KCNJ6: variants seen among roughly 807,000 people sequenced by gnomAD.
KCNJ6 encodes the protein potassium inwardly rectifying channel subfamily J member 6, also known as G protein-activated inward rectifier potassium channel 2.
A neutral mutation model predicts 34.2 loss-of-function variants in KCNJ6; 9 were observed. The ratio of observed to expected loss-of-function variants is 0.26; its 90% CI spans 0.16 to 0.46. The LOEUF (loss-of-function observed/expected upper bound fraction) is 0.46. Among genes scored for constraint, KCNJ6 ranks in the 20% least tolerant of loss-of-function variants. The pLI is 1.00. For missense variants in KCNJ6, 236 were observed against 531.3 expected, an observed-to-expected ratio of 0.44 and a Z score of 5.46; for synonymous variants, 196 against 207.1, an observed-to-expected ratio of 0.95 and a Z score of 0.46.
chr21:37,741,802 T>C (rs2054942581), intron 2 of KCNJ6, among the ~76,000 whole-genome samples: 1 of 152,242 alleles, frequency 6.6e-6, no homozygotes, highest in African/African-American at 2.4e-5. Flanking sequence ...TGCCAACAGA[T>C]GCCAAGTCCT....
rs1281124888 is a variant in KCNJ6 at position 37,625,087 on chromosome 21, AAAAG to A, written c.*68_*71del. On this transcript the variant is annotated 3_prime_UTR_variant, in exon 4 of 4. Transcript: ENST00000609713. The stretch of plus-strand genomic sequence containing the variant: ...TAAAGAACAAAGCAAGAGAGACAGA[AAAAG>A]AAAGAGAATGAGAGACAAGGAAAGA... 1.2e-5 allele frequency: 13 copies of A among 1,118,504 alleles called. No homozygotes were observed. In the Admixed American group the frequency reaches 1.3e-4, roughly 11 times the overall value. The allele number at this position is 1,118,504 out of a possible 1,614,324, so 69.3% of individuals were successfully genotyped here.
chr21:37,772,186 C>T (rs1421472570), intron 2 of KCNJ6, among the ~76,000 whole-genome samples: 1 of 151,892 alleles, frequency 6.6e-6, no homozygotes, highest in Non-Finnish European at 1.5e-5. Flanking sequence ...TAAAGAGTGC[C>T]CCAAAATTAT....
chr21:37,668,719 C>G (rs1001980757), intron 3 of KCNJ6, among the ~76,000 whole-genome samples: 2 of 152,168 alleles, frequency 1.3e-5, no homozygotes, highest in African/African-American at 4.8e-5. Flanking sequence ...CTGAGCTTCT[C>G]CACTTTCTTA....
At chr21:37,703,012 C>T (rs749967567) in intron 3 of KCNJ6, among the ~76,000 whole-genome samples, 56 of 151,898 alleles carry the variant, frequency 3.7e-4, no homozygotes, top group Non-Finnish European at 6.2e-4. Context: ...AAGAAAGTGG[C>T]GAAGGAGAGG....
intron 2 of KCNJ6, among the ~76,000 whole-genome samples, chr21:37,756,521 C>T (rs963324112): frequency 2.6e-5 from 4 of 152,250 alleles, no homozygotes; most frequent in African/African-American, 9.6e-5. Context: ...CACCCTGGCC[C>T]CAGCATTCAC....
intron 3 of KCNJ6, among the ~76,000 whole-genome samples, chr21:37,631,225 C>G (rs144614370): frequency 3.3e-5 from 5 of 152,200 alleles, no homozygotes; most frequent in Admixed American, 2.0e-4. Flanking sequence ...GAGAACCATA[C>G]AGAAACAGCT....
chr21:37,655,881 C>G (rs372387017), intron 3 of KCNJ6, among the ~76,000 whole-genome samples: 12 of 152,224 alleles, frequency 7.9e-5, no homozygotes, highest in African/African-American at 2.9e-4. Context: ...ATTCCATGGA[C>G]TTGGGTGTGG....
intron 3 of KCNJ6, among the ~76,000 whole-genome samples, chr21:37,664,459 A>AT (rs1222878833): frequency 1.3e-5 from 2 of 152,164 alleles, no homozygotes; most frequent in African/African-American, 2.4e-5. Context: ...ACAGTAAAAA[A>AT]ATATATAATT....
chr21:37,643,518 G>C (rs577701468), intron 3 of KCNJ6, among the ~76,000 whole-genome samples: 1 of 152,216 alleles, frequency 6.6e-6, no homozygotes. Context: ...CTGAAGAATG[G>C]GCAAGGGGTG....
intron 2 of KCNJ6, among the ~76,000 whole-genome samples, chr21:37,745,183 C>T (rs982876195): frequency 6.8e-6 from 1 of 148,068 alleles, no homozygotes; most frequent in African/African-American, 2.5e-5. Flanking sequence ...GCCCCTTGAC[C>T]TCCCAGGCTC....
intron 3 of KCNJ6, among the ~76,000 whole-genome samples, chr21:37,635,664 T>A (rs1241483505): frequency 2.6e-5 from 4 of 152,074 alleles, no homozygotes; most frequent in Admixed American, 2.0e-4. Context: ...ATTACAGGCA[T>A]GTGCCACCAC....
intron 3 of KCNJ6, among the ~76,000 whole-genome samples, chr21:37,702,148 G>A (rs1369108452): frequency 4.8e-5 from 7 of 144,404 alleles, no homozygotes; most frequent in African/African-American, 1.3e-4. Context: ...CAGGAGAATC[G>A]CTTGAACCCA....
At chr21:37,676,303 C>T (rs1390904570) in intron 3 of KCNJ6, among the ~76,000 whole-genome samples, 1 of 152,200 alleles carries the variant, frequency 6.6e-6, no homozygotes, top group Non-Finnish European at 1.5e-5. Context: ...CCCGTGACCT[C>T]CAGAAGCACA....
chr21:37,847,699 G>A (rs775596581), intron 1 of KCNJ6, among the ~76,000 whole-genome samples: 9 of 150,966 alleles, frequency 6.0e-5, no homozygotes, highest in African/African-American at 2.2e-4. Flanking sequence ...GGTTCTACAG[G>A]ACATCGATAG....
At chr21:37,778,753 C>T (rs938130867) in intron 2 of KCNJ6, among the ~76,000 whole-genome samples, 1 of 151,132 alleles carries the variant, frequency 6.6e-6, no homozygotes, top group Non-Finnish European at 1.5e-5. Flanking sequence ...TGAATCAAGA[C>T]AACATGTTCC....
chr21:37,802,377 G>T (rs907693034), intron 2 of KCNJ6, among the ~76,000 whole-genome samples: 1 of 152,168 alleles, frequency 6.6e-6, no homozygotes, highest in Admixed American at 6.5e-5. Context: ...GTTAAAGGAA[G>T]GCTCTTGTGA....
chr21:37,872,914 TTC>T (rs2055659718), intron 1 of KCNJ6, among the ~76,000 whole-genome samples: 1 of 152,200 alleles, frequency 6.6e-6, no homozygotes, highest in South Asian at 2.1e-4. Context: ...CTGTCACTCA[TTC>T]TCTCTCTTGC....
chr21:37,760,022 A>G (rs978375920), intron 2 of KCNJ6, among the ~76,000 whole-genome samples: 7 of 152,158 alleles, frequency 4.6e-5, no homozygotes, highest in African/African-American at 1.7e-4. Context: ...AATGCCTCTC[A>G]CCCACAGGCA....
chr21:37,904,501 C>CTTACT (rs2055831921), intron 1 of KCNJ6, among the ~76,000 whole-genome samples: 1 of 152,104 alleles, frequency 6.6e-6, no homozygotes, highest in South Asian at 2.1e-4. Context: ...ATTATCTTCA[C>CTTACT]TTACTTAGAA....
Sources: gnomAD v4.1 joint callset for allele counts (sites outside exome capture counted in the v4.1 genomes callset) on GRCh38, gnomAD v4.1.1 for gene constraint, MANE v1.5 for transcripts, NCBI Gene and HGNC (gene_info 2026-07-23, HGNC 2026-07-21) for gene names.